Variants in DACH1 observed in about 807,000 individuals in gnomAD.
DACH1 encodes the protein dachshund homolog 1.
A neutral mutation model predicts 54.2 loss-of-function variants in DACH1; 12 were observed. The observed-to-expected ratio is 0.22, with a 90% CI of 0.14 to 0.36. DACH1 has a LOEUF of 0.36. Ranked by LOEUF, DACH1 falls within the 10% of genes least tolerant of loss-of-function variation. DACH1 has a pLI of 1.00. For synonymous variants in DACH1, 386 were observed against 366.2 expected, an observed-to-expected ratio of 1.05 and a Z score of -0.62; for missense variants, 805 against 929.8, an observed-to-expected ratio of 0.87 and a Z score of 1.75.
chr13:71,866,542 G>GCCGCCT lies in DACH1; in HGVS notation c.227_228insAGGCGG (p.Gly80_Gly81dup). ...CGCCTCCGCTGCCGCCGCCGCCGCCGCCGCCGCCGGTAGAGGTGACTGTGG... is the reference window on the plus strand; with the variant it reads ...CGCCTCCGCTGCCGCCGCCGCCGCCGCCGCCTCCGCCGCCGGTAGAGGTGACTGTGG... On this transcript the variant is annotated inframe_insertion, in exon 1 of 11. Coordinates refer to ENST00000613252, the MANE Select transcript of DACH1 (RefSeq NM_080759.6). The GCCGCCT allele has an allele frequency of 8.0e-7, 1 of 1,249,416 alleles. No individual in the cohort carries two copies. 77.4% of individuals were successfully genotyped at this position (1,249,416 alleles called of 1,614,324 possible).
chr13:71,553,999 T>C (rs188204774), intron 6 of DACH1, among the ~76,000 whole-genome samples: 102 of 152,084 alleles, frequency 6.7e-4, no homozygotes, highest in African/African-American at 2.4e-3. Context: ...AAATTACATA[T>C]AGGTTCAAGC....
intron 5 of DACH1, among the ~76,000 whole-genome samples, chr13:71,559,595 T>C (rs1048365944): frequency 6.6e-6 from 1 of 152,166 alleles, no homozygotes; most frequent in African/African-American, 2.4e-5. Flanking sequence ...CAAATCTTTA[T>C]ATGTGGCATC....
intron 3 of DACH1, among the ~76,000 whole-genome samples, chr13:71,611,986 A>G (rs1875364728): frequency 6.6e-6 from 1 of 152,192 alleles, no homozygotes; most frequent in Admixed American, 6.5e-5. Flanking sequence ...TTGAGGGACA[A>G]TCGTATGAGG....
intron 10 of DACH1, among the ~76,000 whole-genome samples, chr13:71,469,557 T>A (rs189987479): frequency 2.0e-5 from 3 of 152,304 alleles, no homozygotes; most frequent in Admixed American, 2.0e-4. Flanking sequence ...GGACTTACAG[T>A]CCTAGCTCCA....
chr13:71,705,997 A>G (rs1882422590), intron 1 of DACH1, among the ~76,000 whole-genome samples: 1 of 151,904 alleles, frequency 6.6e-6, no homozygotes, highest in African/African-American at 2.4e-5. Context: ...TTTAGAAACT[A>G]TCAGATATTT....
At chr13:71,550,327 G>A (rs1883727909) in intron 6 of DACH1, among the ~76,000 whole-genome samples, 1 of 152,074 alleles carries the variant, frequency 6.6e-6, no homozygotes, top group South Asian at 2.1e-4. Context: ...GCCAGACCCT[G>A]TGCTAAGTAT....
chr13:71,539,000 C>A (rs1335956168), intron 6 of DACH1, among the ~76,000 whole-genome samples: 2 of 151,758 alleles, frequency 1.3e-5, no homozygotes, highest in Non-Finnish European at 2.9e-5. Context: ...TTGCACAGTT[C>A]CTTATATTTT....
chr13:71,666,853 G>C (rs570604082), intron 2 of DACH1, among the ~76,000 whole-genome samples: 100 of 152,172 alleles, frequency 6.6e-4, no homozygotes, highest in African/African-American at 2.2e-3. Flanking sequence ...GTGGTGGTGT[G>C]TGCCTGTAAT....
intron 1 of DACH1, among the ~76,000 whole-genome samples, chr13:71,788,345 T>A (rs112594890): frequency 0.016 from 2,453 of 152,276 alleles, 73 homozygotes; most frequent in African/African-American, 0.054. Flanking sequence ...AAGACTCTTA[T>A]AGCCAGTTTC....
intron 3 of DACH1, among the ~76,000 whole-genome samples, chr13:71,626,877 AGG>A (rs762003761): frequency 5.5e-4 from 84 of 152,210 alleles, no homozygotes; most frequent in Middle Eastern, 6.8e-3. Context: ...ATGAACTGAC[AGG>A]TCACCTTCAG....
intron 10 of DACH1, among the ~76,000 whole-genome samples, chr13:71,448,622 A>C (rs1352021510): frequency 3.3e-5 from 5 of 152,340 alleles, no homozygotes; most frequent in Admixed American, 2.0e-4. Context: ...AGTCTACATT[A>C]AACATGAGAA....
At chr13:71,622,922 T>C (rs1876353487) in intron 3 of DACH1, among the ~76,000 whole-genome samples, 1 of 151,808 alleles carries the variant, frequency 6.6e-6, no homozygotes, top group African/African-American at 2.4e-5. Flanking sequence ...TTTTGAATTA[T>C]GTTCTCCAAC....
At chr13:71,722,977 T>C (rs1035898564) in intron 1 of DACH1, among the ~76,000 whole-genome samples, 1 of 152,128 alleles carries the variant, frequency 6.6e-6, no homozygotes, top group Non-Finnish European at 1.5e-5. Flanking sequence ...AAGGAATGAC[T>C]CAGTACCATC....
chr13:71,468,808 G>A (rs917410721), intron 10 of DACH1, among the ~76,000 whole-genome samples: 1 of 152,214 alleles, frequency 6.6e-6, no homozygotes, highest in Non-Finnish European at 1.5e-5. Context: ...TTTTTTCACT[G>A]TCACTTTATT....
chr13:71,840,604 T>G (rs1295719893), intron 1 of DACH1, among the ~76,000 whole-genome samples: 5 of 152,210 alleles, frequency 3.3e-5, no homozygotes, highest in Admixed American at 3.3e-4. Flanking sequence ...TCTGCTTATT[T>G]TGCTTTCATT....
intron 3 of DACH1, among the ~76,000 whole-genome samples, chr13:71,614,809 G>A (rs1875628151): frequency 7.1e-6 from 1 of 140,106 alleles, no homozygotes; most frequent in South Asian, 2.2e-4. Flanking sequence ...AGCCGTGATT[G>A]CACCATTGCA....
chr13:71,742,739 C>T (rs991640083), intron 1 of DACH1, among the ~76,000 whole-genome samples: 9 of 151,870 alleles, frequency 5.9e-5, no homozygotes, highest in Non-Finnish European at 1.5e-5. Flanking sequence ...TTCTAAGACA[C>T]TGGAAACATT....
At chr13:71,546,850 A>G (rs1192771200) in intron 6 of DACH1, among the ~76,000 whole-genome samples, 1 of 152,122 alleles carries the variant, frequency 6.6e-6, no homozygotes, top group East Asian at 1.9e-4. Flanking sequence ...CATGTATCAT[A>G]TCATTACAAC....
At chr13:71,497,863 CA>C (rs1879569718) in intron 6 of DACH1, among the ~76,000 whole-genome samples, 1 of 598 alleles carries the variant, frequency 1.7e-3, no homozygotes, top group African/African-American at 2.8e-3. Flanking sequence ...TGTGTTGACA[CA>C]CACACACACA....
Sources: gnomAD v4.1 joint callset for allele counts (sites outside exome capture counted in the v4.1 genomes callset) on GRCh38, gnomAD v4.1.1 for gene constraint, MANE v1.5 for transcripts, NCBI Gene and HGNC (gene_info 2026-07-23, HGNC 2026-07-21) for gene names.